The following INSYN2B variants were observed in gnomAD, a reference collection of about 807,000 sequenced individuals.
The protein encoded by INSYN2B is inhibitory synaptic factor family member 2B, also known as protein INSYN2B.
In INSYN2B, 16 loss-of-function variants were observed where a neutral mutation model predicts 41.2. That is an observed-to-expected ratio of 0.39 (90% CI 0.26 to 0.59). The LOEUF is 0.59. INSYN2B is among the 20% of genes least tolerant of loss of function. The pLI is 0.57. For synonymous variants in INSYN2B, 245 were observed against 244.4 expected (o/e 1.00, Z -0.02); for missense variants, 608 against 646.4 (o/e 0.94, Z 0.64).
At chr5:169,878,119 A>C (rs1443185540) in intron 3 of INSYN2B, among the ~76,000 whole-genome samples, 2 of 152,242 alleles carry the variant, frequency 1.3e-5, no homozygotes, top group Non-Finnish European at 2.9e-5. Context: ...CATAAACATA[A>C]AGATGAATGC....
At chr5:169,972,665 C>T (rs904580949) in intron 1 of INSYN2B, among the ~76,000 whole-genome samples, 1 of 151,096 alleles carries the variant, frequency 6.6e-6, no homozygotes, top group Non-Finnish European at 1.5e-5. Context: ...TAGTCTGAGA[C>T]CTTCAGTGTG....
intron 1 of INSYN2B, among the ~76,000 whole-genome samples, chr5:169,943,448 T>C (rs1225401678): frequency 6.6e-6 from 1 of 152,184 alleles, no homozygotes; most frequent in African/African-American, 2.4e-5. Context: ...CTTTCTAACA[T>C]TTAAACTCTA....
Position 169,865,140 on chromosome 5 carries a change from A to T in INSYN2B, c.1422-681T>A, listed in dbSNP as rs529787591. 3.3e-5 allele frequency among the ~76,000 whole-genome samples: 5 copies of T among 152,324 alleles called. No individual in the cohort carries two copies. The East Asian group carries it at 9.6e-4, about 29-fold the overall frequency. ...AGTATTCCTCAATACAGTGTATTTA[A>T]ATATTCCTCTACTGATGGATGGACA... On this transcript the variant is annotated intron_variant, in intron 3 of 3. Transcript: ENST00000377365.
At chr5:169,969,469 A>G (rs994940106) in intron 1 of INSYN2B, among the ~76,000 whole-genome samples, 1 of 152,204 alleles carries the variant, frequency 6.6e-6, no homozygotes, top group African/African-American at 2.4e-5. Context: ...AAAGAAAAAA[A>G]TGAATTGGAC....
At chr5:169,961,356 T>A (rs1159871651) in intron 1 of INSYN2B, among the ~76,000 whole-genome samples, 1 of 152,258 alleles carries the variant, frequency 6.6e-6, no homozygotes, top group Non-Finnish European at 1.5e-5. Context: ...AGAATTAAAT[T>A]GAATTGCCTA....
chr5:169,880,690 A>T (rs961517871), intron 3 of INSYN2B, among the ~76,000 whole-genome samples: 1 of 152,190 alleles, frequency 6.6e-6, no homozygotes, highest in South Asian at 2.1e-4. Context: ...GGCAACTCTG[A>T]ATAGGGATAA....
intron 1 of INSYN2B, among the ~76,000 whole-genome samples, chr5:169,940,635 G>C (rs929797227): frequency 1.3e-5 from 2 of 152,162 alleles, no homozygotes; most frequent in Non-Finnish European, 2.9e-5. Context: ...TTCTCATAAG[G>C]AGCACGCAAC....
chr5:169,971,909 T>C (rs1479071347), intron 1 of INSYN2B, among the ~76,000 whole-genome samples: 2 of 152,208 alleles, frequency 1.3e-5, no homozygotes, highest in Non-Finnish European at 2.9e-5. Flanking sequence ...TTCCTCATCC[T>C]GTTCCAACAT....
intron 1 of INSYN2B, among the ~76,000 whole-genome samples, chr5:169,953,866 T>C (rs1776763919): frequency 6.6e-6 from 1 of 152,240 alleles, no homozygotes; most frequent in Non-Finnish European, 1.5e-5. Context: ...TGCCACTTAC[T>C]TGTTCCGAGT....
intron 1 of INSYN2B, among the ~76,000 whole-genome samples, chr5:169,896,552 G>A (rs886684361): frequency 6.6e-6 from 1 of 152,158 alleles, no homozygotes; most frequent in Non-Finnish European, 1.5e-5. Context: ...AGATTTAAAC[G>A]AGGTGACACA....
At chr5:169,911,333 A>T (rs1774586693) in intron 1 of INSYN2B, among the ~76,000 whole-genome samples, 1 of 152,120 alleles carries the variant, frequency 6.6e-6, no homozygotes, top group South Asian at 2.1e-4. Flanking sequence ...ATTTCTGTTT[A>T]TTAGAGAACT....
At chr5:169,925,218 G>C (rs1349650483) in intron 1 of INSYN2B, among the ~76,000 whole-genome samples, 1 of 152,188 alleles carries the variant, frequency 6.6e-6, no homozygotes, top group Non-Finnish European at 1.5e-5. Flanking sequence ...GGCAGCCCTA[G>C]CTTAGCTTCA....
intron 1 of INSYN2B, among the ~76,000 whole-genome samples, chr5:169,930,466 C>T (rs1775698106): frequency 6.6e-6 from 1 of 152,144 alleles, no homozygotes; most frequent in African/African-American, 2.4e-5. Flanking sequence ...AATTTCCCTT[C>T]TCCTCTGAAA....
intron 3 of INSYN2B, chr5:169,875,365 G>C: frequency 2.2e-6 from 1 of 455,988 alleles, no homozygotes; most frequent in East Asian, 7.0e-5. Context: ...CGCTTTGGGA[G>C]CACTGTCTAG....
intron 1 of INSYN2B, among the ~76,000 whole-genome samples, chr5:169,904,193 C>A (rs1774140830): frequency 3.3e-5 from 5 of 151,884 alleles, no homozygotes; most frequent in Admixed American, 2.6e-4. Flanking sequence ...AGCATACTGA[C>A]CTAGCCTTTG....
intron 3 of INSYN2B, among the ~76,000 whole-genome samples, chr5:169,874,410 CAAAAAAAA>C (rs34525811): frequency 2.8e-5 from 2 of 72,032 alleles, no homozygotes; most frequent in African/African-American, 1.2e-4. Context: ...GACTCTGTCT[CAAAAAAAA>C]AAAAAAAAAA....
intron 1 of INSYN2B, among the ~76,000 whole-genome samples, chr5:169,953,644 A>G (rs1264468271): frequency 6.6e-6 from 1 of 152,208 alleles, no homozygotes; most frequent in Non-Finnish European, 1.5e-5. Flanking sequence ...GAGTTCACAG[A>G]GGAGGTAGCA....
At position 169,862,804 on chromosome 5, in the gene INSYN2B, T is replaced by C. The variant is rs961123163; in HGVS notation, c.*1469A>G. On this transcript the variant is annotated 3_prime_UTR_variant, in exon 4 of 4. Transcript: ENST00000377365. ...GAAACCATCGGAGTGGTTTGCTCAA[T>C]TAGGCTCAATTTGCAGTGGGGTAGG... Among the ~76,000 whole-genome samples the C allele has an allele frequency of 2.0e-5, 3 of 152,226 alleles. No individual in the cohort carries two copies. Among genetic ancestry groups the C allele is most frequent in the Non-Finnish European group, 4.4e-5 (3 of 68,038 alleles).
At chr5:169,893,685 A>C (rs261068) in intron 1 of INSYN2B, among the ~76,000 whole-genome samples, 57,177 of 151,950 alleles carry the variant, frequency 0.38, 12,781 homozygotes, top group African/African-American at 0.63. Context: ...TCTTCTCCAT[A>C]AGCTCCATCC....
Sources: gnomAD v4.1 joint callset for allele counts (sites outside exome capture counted in the v4.1 genomes callset) on GRCh38, gnomAD v4.1.1 for gene constraint, MANE v1.5 for transcripts, NCBI Gene and HGNC (gene_info 2026-07-23, HGNC 2026-07-21) for gene names.